Variants in UNC5C observed in about 807,000 individuals in gnomAD.
UNC5C encodes netrin receptor UNC5C.
A neutral mutation model predicts 99.8 loss-of-function variants in UNC5C; 47 were observed. The observed-to-expected ratio is 0.47, with a 90% CI of 0.37 to 0.60. The LOEUF (loss-of-function observed/expected upper bound fraction) is 0.60. Ranked by LOEUF, UNC5C falls within the 20% of genes least tolerant of loss-of-function variation. UNC5C has a pLI of 0.00. For synonymous variants in UNC5C, 487 were observed against 452.2 expected (o/e 1.08, Z -0.98); for missense variants, 1,062 against 1,165.9 (o/e 0.91, Z 1.30).
At position 95,175,226 on chromosome 4, in the gene UNC5C, G is replaced by A. The variant is rs1180244358; in HGVS notation, c.2452-4894C>T. On this transcript the variant is annotated intron_variant, in intron 14 of 15. Coordinates refer to ENST00000453304, the MANE Select transcript of UNC5C (RefSeq NM_003728.4). ...TGCCAGTCTGTGTCTTTTAATTGGA[G>A]CATTTAGTCCATTTACATTTAAAGT... Among the ~76,000 whole-genome samples the A allele has an allele frequency of 2.0e-5, 3 of 151,210 alleles. No individual in the cohort carries two copies. In the East Asian group the frequency reaches 5.9e-4, roughly 29 times the overall value.
At chr4:95,519,650 A>G (rs1301896427) in intron 1 of UNC5C, among the ~76,000 whole-genome samples, 1 of 152,176 alleles carries the variant, frequency 6.6e-6, no homozygotes, top group South Asian at 2.1e-4. Context: ...CACAGCAAAC[A>G]GTTTCTTTTG....
At chr4:95,496,654 TATAACAAGAAATAG>T (rs1363332180) in intron 1 of UNC5C, among the ~76,000 whole-genome samples, 1 of 151,820 alleles carries the variant, frequency 6.6e-6, no homozygotes, top group Non-Finnish European at 1.5e-5. Flanking sequence ...TGAGGACAAA[TATAACAAGAAATAG>T]ATATTTGTAC....
At chr4:95,193,649 C>T (rs1432565594) in intron 12 of UNC5C, among the ~76,000 whole-genome samples, 3 of 152,306 alleles carry the variant, frequency 2.0e-5, no homozygotes, top group Admixed American at 6.5e-5. Context: ...TGTGCCTTTG[C>T]GATGGTGGCT....
At chr4:95,534,250 G>A (rs1435109395) in intron 1 of UNC5C, among the ~76,000 whole-genome samples, 1 of 152,134 alleles carries the variant, frequency 6.6e-6, no homozygotes, top group East Asian at 1.9e-4. Flanking sequence ...TGGTGACTGA[G>A]TTGTCCTTGT....
chr4:95,170,389 T>C (rs1736047982), intron 14 of UNC5C, 57 bp from the exon 15 acceptor site: 2 of 1,561,540 alleles, frequency 1.3e-6, no homozygotes, highest in South Asian at 1.2e-5. Context: ...AAGCAATCTC[T>C]ATTGAACCAA....
intron 1 of UNC5C, among the ~76,000 whole-genome samples, chr4:95,478,225 T>A (rs1415013556): frequency 1.3e-5 from 2 of 151,930 alleles, no homozygotes; most frequent in African/African-American, 2.4e-5. Flanking sequence ...TAGCATCAGT[T>A]TTTTTACTCT....
At chr4:95,419,097 T>A (rs1256703181) in intron 1 of UNC5C, among the ~76,000 whole-genome samples, 1 of 152,170 alleles carries the variant, frequency 6.6e-6, no homozygotes, top group Non-Finnish European at 1.5e-5. Flanking sequence ...TAGACTTCCT[T>A]AGATAAGTCA....
intron 1 of UNC5C, among the ~76,000 whole-genome samples, chr4:95,497,063 T>C (rs891167536): frequency 6.6e-6 from 1 of 152,024 alleles, no homozygotes; most frequent in African/African-American, 2.4e-5. Flanking sequence ...CCACGTTTTC[T>C]TTATCCACTC....
chr4:95,357,337 T>C (rs1744242532), intron 1 of UNC5C, among the ~76,000 whole-genome samples: 2 of 152,004 alleles, frequency 1.3e-5, no homozygotes, highest in South Asian at 4.1e-4. Context: ...AGATGGGATC[T>C]TGCTATGCTG....
chr4:95,236,890 T>C (rs1261568516), intron 7 of UNC5C, among the ~76,000 whole-genome samples: 2 of 152,128 alleles, frequency 1.3e-5, no homozygotes, highest in African/African-American at 4.8e-5. Flanking sequence ...ACAAAGAATA[T>C]AGACATAGTT....
chr4:95,164,764 T>A lies in UNC5C; in HGVS notation c.*4470A>T, dbSNP rs148043304. On this transcript the variant is annotated 3_prime_UTR_variant, in exon 16 of 16. Coordinates refer to ENST00000453304, the MANE Select transcript of UNC5C (RefSeq NM_003728.4). ...TGGGACCCCTCTCATTCATTAGCCT[T>A]GGGCTTACACTGAGTTCTCCACATG... The A allele has an allele frequency of 2.0e-5, 3 of 152,342 alleles. No homozygotes were observed. The East Asian group carries it at 5.8e-4, about 29-fold the overall frequency. 9.4% of individuals were successfully genotyped at this position (152,342 alleles called of 1,614,324 possible).
chr4:95,296,533 T>C (rs1338913049), intron 3 of UNC5C, among the ~76,000 whole-genome samples: 1 of 152,164 alleles, frequency 6.6e-6, no homozygotes, highest in Non-Finnish European at 1.5e-5. Context: ...TATATATATA[T>C]ATGAAATTGG....
chr4:95,272,208 G>T (rs1178542507), intron 4 of UNC5C, among the ~76,000 whole-genome samples: 1 of 151,850 alleles, frequency 6.6e-6, no homozygotes, highest in Non-Finnish European at 1.5e-5. Context: ...TTTTCTCCTC[G>T]AGGGACTTAA....
chr4:95,457,711 G>T (rs553010276), intron 1 of UNC5C, among the ~76,000 whole-genome samples: 7 of 152,222 alleles, frequency 4.6e-5, no homozygotes, highest in African/African-American at 1.7e-4. Context: ...AAGTGACAGA[G>T]ATTGAGATAA....
At chr4:95,329,907 A>G (rs1743046562) in intron 2 of UNC5C, among the ~76,000 whole-genome samples, 4 of 152,194 alleles carry the variant, frequency 2.6e-5, no homozygotes. Context: ...TCTACTAATG[A>G]TGATGGTGAT....
chr4:95,215,738 A>G (rs1262024991), intron 10 of UNC5C, among the ~76,000 whole-genome samples: 1 of 152,128 alleles, frequency 6.6e-6, no homozygotes, highest in Admixed American at 6.5e-5. Flanking sequence ...GAGTTGTCCA[A>G]TCCTTTGTGA....
At chr4:95,519,742 G>A (rs902301070) in intron 1 of UNC5C, among the ~76,000 whole-genome samples, 2 of 152,262 alleles carry the variant, frequency 1.3e-5, no homozygotes, top group Admixed American at 1.3e-4. Context: ...GGAACAGAAA[G>A]GGAAGACTTT....
intron 1 of UNC5C, among the ~76,000 whole-genome samples, chr4:95,521,601 G>T (rs1380043568): frequency 6.6e-6 from 1 of 152,012 alleles, no homozygotes; most frequent in Non-Finnish European, 1.5e-5. Flanking sequence ...ACCTCTCAAA[G>T]ACCCCACATC....
In UNC5C at chr4:95,548,722, G is replaced by A. The variant is rs745739325; in HGVS notation, c.124+12C>T. On this transcript the variant is annotated intron_variant, in intron 1 of 15. Coordinates refer to ENST00000453304, the MANE Select transcript of UNC5C (RefSeq NM_003728.4). ...AAGGGAGGTGGCCGCGGAGCTTGGC[G>A]GACCCCCTTACCTTGGGCGGCGGAG... The A allele has an allele frequency of 1.2e-6, 2 of 1,611,708 alleles. No homozygotes were observed. The highest frequency in any genetic ancestry group is 3.3e-5 in the Admixed American group (2 of 59,956).
Sources: gnomAD v4.1 joint callset for allele counts (sites outside exome capture counted in the v4.1 genomes callset) on GRCh38, gnomAD v4.1.1 for gene constraint, MANE v1.5 for transcripts, NCBI Gene and HGNC (gene_info 2026-07-23, HGNC 2026-07-21) for gene names.